KCND2: variants seen among roughly 807,000 people sequenced by gnomAD.
KCND2 encodes the protein potassium voltage-gated channel subfamily D member 2.
KCND2 carries 16 observed loss-of-function variants against 54.4 expected under a neutral mutation model. The ratio of observed to expected loss-of-function variants is 0.29; its 90% CI spans 0.20 to 0.45. The LOEUF (loss-of-function observed/expected upper bound fraction) is 0.45, where lower values mean the gene tolerates loss of function less well. Ranked by LOEUF, KCND2 falls within the 20% of genes least tolerant of loss-of-function variation. KCND2 has a pLI of 1.00. For synonymous variants in KCND2, 317 were observed against 310.7 expected, an observed-to-expected ratio of 1.02 and a Z score of -0.21; for missense variants, 486 against 824.2, an observed-to-expected ratio of 0.59 and a Z score of 5.02.
At chr7:120,427,359 G>A (rs890698009) in intron 1 of KCND2, among the ~76,000 whole-genome samples, 38 of 152,136 alleles carry the variant, frequency 2.5e-4, no homozygotes, top group African/African-American at 8.7e-4. Flanking sequence ...CCTGTGGCCT[G>A]CACTGTACCA....
chr7:120,435,788 A>T (rs1396059844), intron 1 of KCND2, among the ~76,000 whole-genome samples: 1 of 151,334 alleles, frequency 6.6e-6, no homozygotes, highest in Non-Finnish European at 1.5e-5. Context: ...GCCTTTTCTC[A>T]CTCTCCCATT....
Position 120,426,593 on chromosome 7 carries a change from T to C in KCND2, c.1115+150846T>C, listed in dbSNP as rs61682625. On this transcript the variant is annotated intron_variant, in intron 1 of 5. Coordinates refer to ENST00000331113, the MANE Select transcript of KCND2 (RefSeq NM_012281.3). ...TTTTTGTGGGGTTTTTCTTTGTTTT[T>C]TTTTTTTTTTTTTTGAGATGGAGTC... Among the ~76,000 whole-genome samples the C allele has an allele frequency of 1.3e-3, 182 of 143,814 alleles. 1 individual carries two copies. Among genetic ancestry groups the C allele is most frequent in the African/African-American group, 4.7e-3 (179 of 38,044 alleles). The allele number at this position is 143,814 out of a possible 152,430, so 94.3% of individuals were successfully genotyped here.
At chr7:120,689,157 G>C (rs554401060) in intron 1 of KCND2, among the ~76,000 whole-genome samples, 5 of 152,104 alleles carry the variant, frequency 3.3e-5, no homozygotes, top group Admixed American at 3.3e-4. Flanking sequence ...CACAGTAGTG[G>C]GCCGAATTTG....
At chr7:120,499,542 A>T (rs954701467) in intron 1 of KCND2, among the ~76,000 whole-genome samples, 1 of 152,166 alleles carries the variant, frequency 6.6e-6, no homozygotes, top group African/African-American at 2.4e-5. Flanking sequence ...TTCAAGTAAT[A>T]ATTTTCATCA....
At chr7:120,402,935 A>G (rs1312312568) in intron 1 of KCND2, among the ~76,000 whole-genome samples, 5 of 152,192 alleles carry the variant, frequency 3.3e-5, no homozygotes, top group African/African-American at 1.2e-4. Context: ...TAAGCCAAGA[A>G]TGTATAATGG....
chr7:120,399,808 C>T (rs1479107380), intron 1 of KCND2, among the ~76,000 whole-genome samples: 2 of 149,852 alleles, frequency 1.3e-5, no homozygotes, highest in Admixed American at 1.3e-4. Context: ...TCACTATAAC[C>T]TTGGCCTCCC....
Position 120,358,116 on chromosome 7 carries a change from G to A in KCND2, c.1115+82369G>A, listed in dbSNP as rs1340030099. ...AAACTAGAATTTGATGGATGGGTAT[G>A]GTGTGAAAAAACTGACACAGAGACA... On this transcript the variant is annotated intron_variant, in intron 1 of 5. Transcript: ENST00000331113. Among the ~76,000 whole-genome samples the A allele has an allele frequency of 3.3e-5, 5 of 152,038 alleles. No individual in the cohort carries two copies. In the East Asian group the frequency reaches 9.6e-4, roughly 29 times the overall value.
At chr7:120,507,961 C>T (rs1289537660) in intron 1 of KCND2, among the ~76,000 whole-genome samples, 1 of 151,500 alleles carries the variant, frequency 6.6e-6, no homozygotes. Context: ...GCTATATTTT[C>T]ATTAATTTAA....
At chr7:120,578,378 T>G (rs1419126422) in intron 1 of KCND2, among the ~76,000 whole-genome samples, 2 of 152,146 alleles carry the variant, frequency 1.3e-5, no homozygotes, top group African/African-American at 4.8e-5. Context: ...ACTTAAAATT[T>G]AACTCATTTT....
rs115213248 is a variant in KCND2, at chr7:120,503,677, A to G, written c.1115+227930A>G. On this transcript the variant is annotated intron_variant, in intron 1 of 5. Transcript: ENST00000331113. Reference sequence around the variant, plus strand: ...TGCTCATAATTCCTCAGTATCCTCTATATTTAGTTCCGTCTCGATCCCAGA... The same window carrying G: ...TGCTCATAATTCCTCAGTATCCTCTGTATTTAGTTCCGTCTCGATCCCAGA... 6.4e-3 allele frequency among the ~76,000 whole-genome samples: 972 copies of G among 152,082 alleles called. 10 individuals carry two copies. Among genetic ancestry groups the G allele is most frequent in the African/African-American group, 0.022 (896 of 41,538 alleles).
chr7:120,729,488 C>A (rs1416062644), intron 1 of KCND2, among the ~76,000 whole-genome samples: 1 of 152,144 alleles, frequency 6.6e-6, no homozygotes, highest in African/African-American at 2.4e-5. Flanking sequence ...CTCAGGCTGT[C>A]CTTACATGAG....
chr7:120,484,421 T>C (rs987999373), intron 1 of KCND2, among the ~76,000 whole-genome samples: 1 of 151,926 alleles, frequency 6.6e-6, no homozygotes, highest in Non-Finnish European at 1.5e-5. Context: ...CCCAAAGTGC[T>C]GAGACTCACA....
chr7:120,472,148 G>C (rs1282991424), intron 1 of KCND2, among the ~76,000 whole-genome samples: 1 of 151,434 alleles, frequency 6.6e-6, no homozygotes, highest in Non-Finnish European at 1.5e-5. Context: ...TATATAGTTG[G>C]AATATAACCT....
intron 1 of KCND2, among the ~76,000 whole-genome samples, chr7:120,695,677 A>T (rs1281812892): frequency 6.6e-6 from 1 of 152,232 alleles, no homozygotes; most frequent in Non-Finnish European, 1.5e-5. Context: ...GATGGTGATG[A>T]TGATGACAGC....
chr7:120,582,604 C>G (rs1375800357), intron 1 of KCND2, among the ~76,000 whole-genome samples: 1 of 152,138 alleles, frequency 6.6e-6, no homozygotes, highest in Non-Finnish European at 1.5e-5. Flanking sequence ...TACCCCTCCT[C>G]TGCCTCTTTC....
intron 1 of KCND2, among the ~76,000 whole-genome samples, chr7:120,455,673 G>GT (rs992034267): frequency 3.3e-5 from 5 of 152,144 alleles, no homozygotes; most frequent in African/African-American, 9.7e-5. Flanking sequence ...ATGAGATCAT[G>GT]TTTTTTGCAG....
intron 1 of KCND2, among the ~76,000 whole-genome samples, chr7:120,687,123 C>T (rs935341562): frequency 6.6e-6 from 1 of 152,032 alleles, no homozygotes; most frequent in Non-Finnish European, 1.5e-5. Flanking sequence ...ACCTTGAAGA[C>T]ATTATATTAA....
intron 1 of KCND2, among the ~76,000 whole-genome samples, chr7:120,553,166 G>C (rs186158742): frequency 1.4e-3 from 207 of 152,100 alleles, no homozygotes; most frequent in Non-Finnish European, 2.3e-3. Context: ...TCCTCCTCCC[G>C]TTCAGATCTT....
At chr7:120,377,948 C>A (rs1800859350) in intron 1 of KCND2, among the ~76,000 whole-genome samples, 1 of 151,884 alleles carries the variant, frequency 6.6e-6, no homozygotes. Context: ...GTGACCCCCA[C>A]TAAAGCAATT....
Sources: allele counts gnomAD v4.1 joint callset (sites outside exome capture counted in the v4.1 genomes callset), GRCh38; gene constraint gnomAD v4.1.1; transcripts MANE v1.5; gene names NCBI Gene and HGNC (gene_info 2026-07-23, HGNC 2026-07-21).